ANK2: variants seen among roughly 807,000 people sequenced by gnomAD.
ANK2 encodes the protein ankyrin 2, also known as ankyrin-2.
ANK2 carries 83 observed loss-of-function variants against 360.5 expected under a neutral mutation model. The ratio of observed to expected loss-of-function variants is 0.23; its 90% CI spans 0.19 to 0.28. The LOEUF (loss-of-function observed/expected upper bound fraction) is 0.28, where lower values mean the gene tolerates loss of function less well. ANK2 is among the 10% of genes least tolerant of loss of function. The pLI is 1.00. For missense variants in ANK2, 4,201 were observed against 4,795.7 expected (o/e 0.88, Z 3.66); for synonymous variants, 1,740 against 1,759.5 (o/e 0.99, Z 0.28).
chr4:112,790,866 A>G, the ANK2 span, among the ~76,000 whole-genome samples: 2 of 152,138 alleles, frequency 1.3e-5, no homozygotes, highest in Non-Finnish European at 2.9e-5. Flanking sequence ...TTACATGAGG[A>G]CTAATTCAGT....
chr4:112,848,722 C>T (rs1274520600), intron 1 of ANK2, among the ~76,000 whole-genome samples: 1 of 152,144 alleles, frequency 6.6e-6, no homozygotes, highest in African/African-American at 2.4e-5. Context: ...AGGTAGGAGT[C>T]TTGACTTACT....
intron 28 of ANK2, chr4:113,332,834 A>G (rs984427682): frequency 3.3e-6 from 2 of 599,288 alleles, no homozygotes; most frequent in Non-Finnish European, 3.0e-6. Flanking sequence ...GGGAAACATT[A>G]TTTGGCTTAA....
intron 1 of ANK2, among the ~76,000 whole-genome samples, chr4:113,092,197 T>C (rs1400665076): frequency 6.6e-6 from 1 of 152,204 alleles, no homozygotes; most frequent in Non-Finnish European, 1.5e-5. Context: ...GTGAGACTAT[T>C]TGGATTTTTT....
the ANK2 span, chr4:112,788,446 C>T: frequency 1.9e-6 from 3 of 1,601,136 alleles, no homozygotes; most frequent in South Asian, 1.1e-5. Flanking sequence ...TGTTCTCCAC[C>T]AAGGTGGTGA....
chr4:113,066,059 T>G (rs2075480818), intron 1 of ANK2, among the ~76,000 whole-genome samples: 1 of 152,242 alleles, frequency 6.6e-6, no homozygotes, highest in Non-Finnish European at 1.5e-5. Context: ...AAAAATATTA[T>G]GAGGAAACAA....
rs1410975038 is a variant in ANK2 at position 113,336,007 on chromosome 4, G to T, written c.3541G>T (p.Ala1181Ser). Reference sequence around the variant, plus strand: ...CAGCACAGTGGTGCCCCAGGTGCAGGCCGTCTTCCCAGAGGGGGCACTCAC... The same window carrying T: ...CAGCACAGTGGTGCCCCAGGTGCAGTCCGTCTTCCCAGAGGGGGCACTCAC... ...LSSTVVPQVQAVFPEGALTKR... is the reference protein window; with the variant it reads ...LSSTVVPQVQSVFPEGALTKR... The change falls in exon 30 of 46, where the codon GCC becomes TCC. Residue 1181 changes from alanine to serine, a missense_variant. Physicochemically the swap from Ala to Ser is moderately conservative, Grantham distance 99. Coordinates refer to ENST00000357077, the MANE Select transcript of ANK2 (RefSeq NM_001148.6). 1 of 1,614,012 alleles carries T rather than the reference G, an allele frequency of 6.2e-7. No homozygotes were observed. The highest frequency in any genetic ancestry group is 8.5e-7 in the Non-Finnish European group (1 of 1,180,014).
intron 1 of ANK2, among the ~76,000 whole-genome samples, chr4:112,861,537 G>A (rs1289180420): frequency 6.6e-6 from 1 of 152,124 alleles, no homozygotes; most frequent in African/African-American, 2.4e-5. Context: ...AATAACATGT[G>A]GGTTTAAAAC....
chr4:113,326,438 T>C (rs1327145186), intron 26 of ANK2, among the ~76,000 whole-genome samples: 3 of 152,194 alleles, frequency 2.0e-5, no homozygotes, highest in Admixed American at 6.5e-5. Flanking sequence ...TATCAGTTGT[T>C]TGGCAATTCC....
At chr4:113,300,141 A>G (rs939003742) in intron 22 of ANK2, among the ~76,000 whole-genome samples, 1 of 152,164 alleles carries the variant, frequency 6.6e-6, no homozygotes, top group African/African-American at 2.4e-5. Context: ...AACCACTACT[A>G]TTCTCCAGAT....
chr4:112,771,844 C>T, the ANK2 span, among the ~76,000 whole-genome samples: 1 of 152,102 alleles, frequency 6.6e-6, no homozygotes, highest in African/African-American at 2.4e-5. Context: ...CTTGGCCTCC[C>T]AAAGTGCTGA....
chr4:113,305,107 G>A (rs1266309935), intron 23 of ANK2, among the ~76,000 whole-genome samples: 3 of 151,578 alleles, frequency 2.0e-5, no homozygotes, highest in Admixed American at 6.6e-5. Context: ...TTGGGAGGCC[G>A]AGGCGGGCGG....
intron 1 of ANK2, among the ~76,000 whole-genome samples, chr4:113,135,501 C>T (rs918855319): frequency 6.9e-6 from 1 of 145,672 alleles, no homozygotes; most frequent in East Asian, 2.0e-4. Flanking sequence ...GATGGCCAAA[C>T]CATAGAGCTG....
intron 2 of ANK2, among the ~76,000 whole-genome samples, chr4:113,015,137 C>A (rs1419468425): frequency 6.6e-6 from 1 of 152,138 alleles, no homozygotes; most frequent in Non-Finnish European, 1.5e-5. Context: ...GGATTACAGG[C>A]GTGAGCCACC....
intron 2 of ANK2, among the ~76,000 whole-genome samples, chr4:113,033,189 T>A (rs1485550746): frequency 6.6e-6 from 1 of 151,222 alleles, no homozygotes; most frequent in Non-Finnish European, 1.5e-5. Context: ...TAGGATAACA[T>A]CTCTATTTTG....
chr4:113,359,555 T>C (rs1255937211), intron 38 of ANK2, among the ~76,000 whole-genome samples: 1 of 152,158 alleles, frequency 6.6e-6, no homozygotes, highest in African/African-American at 2.4e-5. Context: ...TGATCTTGCC[T>C]TTTTTAGCCT....
the ANK2 span, among the ~76,000 whole-genome samples, chr4:112,732,305 A>G: frequency 2.0e-5 from 3 of 146,806 alleles, no homozygotes; most frequent in African/African-American, 7.6e-5. Context: ...GCTGGAGTGC[A>G]GTGGCATGAT....
intron 4 of ANK2, among the ~76,000 whole-genome samples, chr4:113,229,545 TG>T (rs2099266967): frequency 6.6e-6 from 1 of 152,156 alleles, no homozygotes; most frequent in Non-Finnish European, 1.5e-5. Context: ...TGGACATATG[TG>T]GGGGCCATCA....
chr4:113,063,462 T>C (rs943965661), intron 1 of ANK2, among the ~76,000 whole-genome samples: 1 of 152,130 alleles, frequency 6.6e-6, no homozygotes, highest in East Asian at 1.9e-4. Context: ...TTTTCCACTA[T>C]AAAAAGAATT....
chr4:112,740,170 CA>C, the ANK2 span, among the ~76,000 whole-genome samples: 7 of 151,808 alleles, frequency 4.6e-5, 1 homozygote, highest in Admixed American at 1.3e-4. Context: ...AGAGGAAAAG[CA>C]GAGGAAAATG....
Sources: allele counts gnomAD v4.1 joint callset (sites outside exome capture counted in the v4.1 genomes callset), GRCh38; gene constraint gnomAD v4.1.1; transcripts MANE v1.5; gene names NCBI Gene and HGNC (gene_info 2026-07-23, HGNC 2026-07-21).